ADGRB3: variants seen among roughly 807,000 people sequenced by gnomAD.
ADGRB3 encodes brain-specific angiogenesis inhibitor 3.
ADGRB3 carries 37 observed loss-of-function variants against 193.4 expected under a neutral mutation model. The observed-to-expected ratio is 0.19, with a 90% CI of 0.15 to 0.25. The LOEUF is 0.25. Ranked by LOEUF, ADGRB3 falls within the 10% of genes least tolerant of loss-of-function variation. The pLI, the probability that ADGRB3 is intolerant of heterozygous loss-of-function variation, is 1.00. For synonymous variants in ADGRB3, 690 were observed against 644.2 expected, an observed-to-expected ratio of 1.07 and a Z score of -1.08; for missense variants, 1,637 against 1,852.9, an observed-to-expected ratio of 0.88 and a Z score of 2.14.
At chr6:68,791,043 A>G (rs1767096332) in intron 3 of ADGRB3, among the ~76,000 whole-genome samples, 1 of 98,988 alleles carries the variant, frequency 1.0e-5, no homozygotes, top group African/African-American at 4.0e-5. Context: ...GTGAGACCAC[A>G]TCTCTTAAAA....
chr6:68,706,600 A>T (rs1236025623), intron 3 of ADGRB3, among the ~76,000 whole-genome samples: 1 of 152,214 alleles, frequency 6.6e-6, no homozygotes, highest in African/African-American at 2.4e-5. Context: ...TGGGCAAGTT[A>T]CTTAATATTT....
At chr6:69,039,117 T>A (rs979165826) in intron 13 of ADGRB3, among the ~76,000 whole-genome samples, 1 of 152,158 alleles carries the variant, frequency 6.6e-6, no homozygotes, top group Admixed American at 6.5e-5. Flanking sequence ...GGTATAGCAG[T>A]ACTTGTGTAA....
chr6:69,046,743 A>C (rs1386270156), intron 13 of ADGRB3, among the ~76,000 whole-genome samples: 1 of 152,246 alleles, frequency 6.6e-6, no homozygotes, highest in Non-Finnish European at 1.5e-5. Context: ...ATTTAATTTG[A>C]AACTAAGTAG....
At chr6:68,945,118 A>G (rs1327796825) in intron 6 of ADGRB3, among the ~76,000 whole-genome samples, 1 of 152,150 alleles carries the variant, frequency 6.6e-6, no homozygotes, top group Non-Finnish European at 1.5e-5. Flanking sequence ...AAAACAATCC[A>G]ATGTGTAGAT....
intron 3 of ADGRB3, among the ~76,000 whole-genome samples, chr6:68,726,577 G>A (rs1350055030): frequency 6.6e-6 from 1 of 151,588 alleles, no homozygotes; most frequent in Non-Finnish European, 1.5e-5. Flanking sequence ...GATGGACCAT[G>A]TGGACAGGGC....
In ADGRB3 at chr6:68,849,962, A is replaced by T. The variant is rs566968724; in HGVS notation, c.758-80597A>T. On this transcript the variant is annotated intron_variant, in intron 3 of 31. Transcript: ENST00000370598. Reference sequence around the variant, plus strand: ...TTTTAAATCACCTTCTTCAATTTTAACTTTATTGGATTCCTGTTTAAAATA... The same window carrying T: ...TTTTAAATCACCTTCTTCAATTTTATCTTTATTGGATTCCTGTTTAAAATA... 2.0e-3 allele frequency among the ~76,000 whole-genome samples: 301 copies of T among 148,626 alleles called. 1 individual carries two copies. Among genetic ancestry groups the T allele is most frequent in the African/African-American group, 6.9e-3 (285 of 41,320 alleles).
At chr6:68,933,963 T>A (rs1158479726) in intron 4 of ADGRB3, among the ~76,000 whole-genome samples, 1 of 152,178 alleles carries the variant, frequency 6.6e-6, no homozygotes, top group Non-Finnish European at 1.5e-5. Flanking sequence ...TACTTTGTCT[T>A]ATAGTTTACT....
At chr6:69,222,165 A>C (rs1195102640) in intron 17 of ADGRB3, among the ~76,000 whole-genome samples, 1 of 152,166 alleles carries the variant, frequency 6.6e-6, no homozygotes, top group Non-Finnish European at 1.5e-5. Context: ...TTGATGGATA[A>C]TCTTGTTCAT....
intron 3 of ADGRB3, among the ~76,000 whole-genome samples, chr6:68,841,823 C>G (rs2127387603): frequency 1.3e-5 from 2 of 152,052 alleles, no homozygotes; most frequent in Middle Eastern, 6.8e-3. Flanking sequence ...AACAATTGAA[C>G]AAATGTAGAT....
At chr6:69,350,151 T>A (rs886889651) in intron 26 of ADGRB3, among the ~76,000 whole-genome samples, 6 of 152,174 alleles carry the variant, frequency 3.9e-5, no homozygotes, top group Non-Finnish European at 8.8e-5. Flanking sequence ...CATCAGCATT[T>A]ATAGCTTTTT....
chr6:69,332,649 A>G, intron 23 of ADGRB3: 9 of 985,450 alleles, frequency 9.1e-6, no homozygotes, highest in Non-Finnish European at 1.1e-5. Context: ...GTATGGTACC[A>G]TTTAAAATTC....
Position 68,974,814 on chromosome 6 carries a change from G to T in ADGRB3, c.1577G>T (p.Arg526Ile), listed in dbSNP as rs968821820. Residue 526 changes from arginine (R) to isoleucine (I), a missense_variant, in exon 9 of 32, where the codon AGA (arginine) becomes ATA (isoleucine). Arg to Ile is a moderately conservative substitution (Grantham distance 97). Transcript: ENST00000370598. ...EDYLMSMVWK[R>I]TPAGDLAFNQ... ...TATCTGATGTCGATGGTGTGGAAAA[G>T]AACTCCAGCAGGCGACTTGGCATTC... 2.5e-6 allele frequency: 4 copies of T among 1,614,004 alleles called. No individual in the cohort carries two copies. The Admixed American group carries it at 6.7e-5, about 27-fold the overall frequency.
chr6:69,350,814 A>C (rs1244220517), intron 26 of ADGRB3, among the ~76,000 whole-genome samples: 1 of 151,904 alleles, frequency 6.6e-6, no homozygotes, highest in African/African-American at 2.4e-5. Flanking sequence ...TTTGAAACAT[A>C]GACTTGCTTT....
chr6:69,258,114 T>C (rs1363825038), intron 20 of ADGRB3, among the ~76,000 whole-genome samples: 1 of 152,200 alleles, frequency 6.6e-6, no homozygotes, highest in Non-Finnish European at 1.5e-5. Context: ...CTTTAAGCTC[T>C]GTTTTTCAGA....
At chr6:68,678,561 T>C (rs1218208420) in intron 3 of ADGRB3, among the ~76,000 whole-genome samples, 1 of 152,152 alleles carries the variant, frequency 6.6e-6, no homozygotes, top group Non-Finnish European at 1.5e-5. Flanking sequence ...TGAGGGGTAA[T>C]AGCTGACTTC....
chr6:68,881,087 T>G (rs1002482180), intron 3 of ADGRB3, among the ~76,000 whole-genome samples: 1 of 152,150 alleles, frequency 6.6e-6, no homozygotes, highest in African/African-American at 2.4e-5. Flanking sequence ...GGAGGGCTAA[T>G]AGGATGGTTA....
At chr6:69,294,340 T>C (rs867553272) in intron 20 of ADGRB3, among the ~76,000 whole-genome samples, 1 of 152,098 alleles carries the variant, frequency 6.6e-6, no homozygotes, top group Non-Finnish European at 1.5e-5. Flanking sequence ...ATTTCATAAG[T>C]CATATTTCAA....
chr6:69,326,818 G>A (rs1418474709), intron 21 of ADGRB3, among the ~76,000 whole-genome samples: 2 of 151,988 alleles, frequency 1.3e-5, no homozygotes, highest in African/African-American at 2.4e-5. Flanking sequence ...AGAAACAGAA[G>A]GAGGAAAGGG....
intron 13 of ADGRB3, among the ~76,000 whole-genome samples, chr6:69,034,586 A>T (rs1770810363): frequency 6.8e-6 from 1 of 148,086 alleles, no homozygotes; most frequent in Non-Finnish European, 1.5e-5. Context: ...TATTTTATAA[A>T]TTATAGCTAT....
Sources: gnomAD v4.1 joint callset for allele counts (sites outside exome capture counted in the v4.1 genomes callset) on GRCh38, gnomAD v4.1.1 for gene constraint, MANE v1.5 for transcripts, NCBI Gene and HGNC (gene_info 2026-07-23, HGNC 2026-07-21) for gene names.